The following PCDHGA8 variants were observed in gnomAD, a reference collection of about 807,000 sequenced individuals.
The protein encoded by PCDHGA8 is protocadherin gamma-A8.
PCDHGA8 carries 45 observed loss-of-function variants against 59.2 expected under a neutral mutation model. The observed-to-expected ratio is 0.76, with a 90% CI of 0.60 to 0.98. The LOEUF (loss-of-function observed/expected upper bound fraction) is 0.98, where lower values mean the gene tolerates loss of function less well. Ranked by LOEUF, PCDHGA8 falls within the 50% of genes least tolerant of loss-of-function variation. The pLI, the probability that PCDHGA8 is intolerant of heterozygous loss-of-function variation, is 0.00. For synonymous variants in PCDHGA8, 531 were observed against 519.0 expected, an observed-to-expected ratio of 1.02 and a Z score of -0.32; for missense variants, 1,257 against 1,196.2, an observed-to-expected ratio of 1.05 and a Z score of -0.75.
chr5:141,395,525 G>A, intron 1 of PCDHGA8: 2 of 384,022 alleles, frequency 5.2e-6, no homozygotes, highest in Non-Finnish European at 9.3e-6. Flanking sequence ...CGTCCATACT[G>A]GTAATTTTGC....
rs1335023784 is a variant in PCDHGA8 at position 141,490,877 on chromosome 5, C to CCAA, written c.2425-3927_2425-3925dup. 2.5e-6 allele frequency: 4 copies of CCAA among 1,613,762 alleles called. No homozygotes were observed. Among genetic ancestry groups the CCAA allele is most frequent in the Non-Finnish European group, 3.4e-6 (4 of 1,179,908 alleles). On this transcript the variant is annotated intron_variant, in intron 1 of 3. Transcript: ENST00000398604. This position sits in a 1 kb window ranked among gnomAD's most constrained non-coding sequence, Gnocchi z 5.4. ...GACTCCGGCTCTCCCCCATTGCATG[C>CCAA]CAACACATCTCTGCATGTGTTTGTC...
chr5:141,430,957 C>T (rs771551541), intron 1 of PCDHGA8: 42 of 1,611,532 alleles, frequency 2.6e-5, no homozygotes, highest in Middle Eastern at 3.3e-4. Context: ...GAGTCCGCAT[C>T]ATCCCCAGAG....
chr5:141,399,199 C>T (rs2093768918), intron 1 of PCDHGA8: 8 of 1,613,876 alleles, frequency 5.0e-6, no homozygotes, highest in Non-Finnish European at 6.8e-6. Flanking sequence ...AAACGCGGTG[C>T]CTGGAACACT....
At position 141,487,688 on chromosome 5, in the gene PCDHGA8, G is replaced by A. The variant is rs376927186; in HGVS notation, c.2425-7119G>A. On this transcript the variant is annotated intron_variant, in intron 1 of 3. Coordinates refer to ENST00000398604, the MANE Select transcript of PCDHGA8 (RefSeq NM_032088.2). The surrounding 1 kb of genome is among the most constrained non-coding windows in gnomAD (Gnocchi z 5.0). ...AGGCATATGGCTAGGCCATGTCCTA[G>A]AGAGTACTGGCCTCTCAGTAAGTGC... 6.2e-7 allele frequency: 1 copy of A among 1,604,966 alleles called. No homozygotes were observed.
At chr5:141,404,382 A>G (rs765708858) in intron 1 of PCDHGA8, 27 of 1,613,860 alleles carry the variant, frequency 1.7e-5, no homozygotes, top group South Asian at 1.2e-4. Context: ...GTGATTGCCT[A>G]TGACCCTGAT....
chr5:141,409,407 A>G, intron 1 of PCDHGA8: 3 of 1,614,012 alleles, frequency 1.9e-6, no homozygotes, highest in Non-Finnish European at 2.5e-6. Flanking sequence ...AATAACTACT[A>G]CAAACTGGTG....
At chr5:141,421,829 T>G in intron 1 of PCDHGA8, 5 of 1,613,784 alleles carry the variant, frequency 3.1e-6, no homozygotes, top group Non-Finnish European at 4.2e-6. Context: ...GAGGGAAGCC[T>G]GGACCGAGAG....
intron 1 of PCDHGA8, among the ~76,000 whole-genome samples, chr5:141,470,430 T>C (rs994304635): frequency 6.6e-6 from 1 of 152,232 alleles, no homozygotes; most frequent in Non-Finnish European, 1.5e-5. Flanking sequence ...TTTCCTTGTG[T>C]GCAATAATTT....
intron 1 of PCDHGA8, among the ~76,000 whole-genome samples, chr5:141,424,906 A>T (rs1417615946): frequency 5.9e-5 from 9 of 152,212 alleles, no homozygotes. Context: ...GATCACAGGA[A>T]TCATTTCCAT....
At chr5:141,405,218 G>T in intron 1 of PCDHGA8, 1 of 1,613,986 alleles carries the variant, frequency 6.2e-7, no homozygotes, top group Non-Finnish European at 8.5e-7. Flanking sequence ...CTATTCTCAG[G>T]AGTTCTCCCT....
chr5:141,430,477 A>G (rs1329218924), intron 1 of PCDHGA8: 1 of 244,524 alleles, frequency 4.1e-6, no homozygotes, highest in Non-Finnish European at 7.7e-6. Context: ...TATTTAAGAT[A>G]TAAAAACGAA....
rs1315225126 is a variant in PCDHGA8 at position 141,487,926 on chromosome 5, A to G, written c.2425-6881A>G. The G allele has an allele frequency of 2.2e-5, 14 of 626,676 alleles. No individual in the cohort carries two copies. Among genetic ancestry groups the G allele is most frequent in the Non-Finnish European group, 3.9e-5 (14 of 359,988 alleles). The allele number at this position is 626,676 out of a possible 1,614,324, so 38.8% of individuals were successfully genotyped here. ...GTGGGAGCACAGGAGGCTACAGTGC[A>G]CAGGGTACAGTGCACCAGGCAGTCA... On this transcript the variant is annotated intron_variant, in intron 1 of 3. Coordinates refer to ENST00000398604, the MANE Select transcript of PCDHGA8 (RefSeq NM_032088.2). The surrounding 1 kb of genome is among the most constrained non-coding windows in gnomAD (Gnocchi z 5.0).
At chr5:141,426,764 T>C (rs1285434687) in intron 1 of PCDHGA8, 5 of 456,638 alleles carry the variant, frequency 1.1e-5, no homozygotes, top group Non-Finnish European at 2.2e-5. Flanking sequence ...TAGATGCAGA[T>C]GTAGGGCCTC....
chr5:141,432,685 C>T lies in PCDHGA8; in HGVS notation c.2424+37448C>T, dbSNP rs1561863583. 1 of 1,613,932 alleles carries T rather than the reference C, an allele frequency of 6.2e-7. No individual in the cohort carries two copies. The highest frequency in any genetic ancestry group is 1.7e-5 in the Admixed American group (1 of 60,020). ...ACAGAGACGCGCTCAAGCAGAGCCT[C>T]GTAGTGGCCGTCCAGGACCACGGCC... On this transcript the variant is annotated intron_variant, in intron 1 of 3. Coordinates refer to ENST00000398604, the MANE Select transcript of PCDHGA8 (RefSeq NM_032088.2). This position sits in a 1 kb window ranked among gnomAD's most constrained non-coding sequence, Gnocchi z 6.0.
intron 1 of PCDHGA8, chr5:141,414,152 A>G (rs1251267001): frequency 1.9e-6 from 3 of 1,600,994 alleles, no homozygotes; most frequent in Non-Finnish European, 2.6e-6. Context: ...ATACAAGCAG[A>G]AGATGGAGGA....
chr5:141,437,478 T>G (rs942305423), intron 1 of PCDHGA8, among the ~76,000 whole-genome samples: 2 of 152,210 alleles, frequency 1.3e-5, no homozygotes, highest in African/African-American at 2.4e-5. Flanking sequence ...TATAGCATAT[T>G]TAATCTCGTA....
At chr5:141,473,808 C>G (rs1562041705) in intron 1 of PCDHGA8, among the ~76,000 whole-genome samples, 1 of 152,198 alleles carries the variant, frequency 6.6e-6, no homozygotes, top group Non-Finnish European at 1.5e-5. Flanking sequence ...TACTGAGGAG[C>G]AGCTGGACAA....
At chr5:141,426,514 G>A (rs867794856) in intron 1 of PCDHGA8, 22 of 340,738 alleles carry the variant, frequency 6.5e-5, no homozygotes, top group Non-Finnish European at 8.2e-5. Context: ...ATACTTTACC[G>A]TGAACACGGA....
At position 141,497,209 on chromosome 5, in the gene PCDHGA8, T is replaced by TG. The variant is rs11343387; in HGVS notation, c.2483+2353dup. On this transcript the variant is annotated intron_variant, in intron 2 of 3. Coordinates refer to ENST00000398604, the MANE Select transcript of PCDHGA8 (RefSeq NM_032088.2). ...GAGGCAGAGAACAATGTGAGTGTAA[T>TG]GGGGGGGGGAAGATCAGAGAAGGCT... Among the ~76,000 whole-genome samples the TG allele has an allele frequency of 1.3e-3, 196 of 151,342 alleles. 1 individual carries two copies. The South Asian group carries it at 0.02, about 15-fold the overall frequency.
Sources: allele counts gnomAD v4.1 joint callset (sites outside exome capture counted in the v4.1 genomes callset), GRCh38; gene constraint gnomAD v4.1.1; non-coding constraint Gnocchi (gnomAD v3.1); transcripts MANE v1.5; gene names NCBI Gene and HGNC (gene_info 2026-07-23, HGNC 2026-07-21).